TNFAIP6: variants seen among roughly 807,000 people sequenced by gnomAD.
The protein encoded by TNFAIP6 is tumor necrosis factor-inducible gene 6 protein.
A neutral mutation model predicts 33.7 loss-of-function variants in TNFAIP6; 36 were observed. That is an observed-to-expected ratio of 1.07 (90% CI 0.82 to 1.41). The LOEUF (loss-of-function observed/expected upper bound fraction) is 1.41, where lower values mean the gene tolerates loss of function less well. Ranked by LOEUF, TNFAIP6 falls within the 40% of genes most tolerant of loss-of-function variation. The probability of loss-of-function intolerance (pLI) is 0.00; values close to 1 mark genes in which losing one functional copy is unlikely to be tolerated. For missense variants in TNFAIP6, 273 were observed against 331.9 expected (o/e 0.82, Z 1.38); for synonymous variants, 113 against 112.8 (o/e 1.00, Z -0.01).
chr2:151,369,900 A>G lies in TNFAIP6; in HGVS notation c.395-120A>G, dbSNP rs1008913945. ...ATACATAATATACCATAGATGCTGT[A>G]TACTAAGACATTTAACATTTCATAA... is the stretch of plus-strand genomic sequence containing the variant. On this transcript the variant is annotated intron_variant, in intron 3 of 5. Transcript: ENST00000243347. 9.8e-6 allele frequency: 7 copies of G among 716,488 alleles called. No homozygotes were observed. In the African/African-American group the frequency reaches 1.1e-4, roughly 11 times the overall value. The allele number at this position is 716,488 out of a possible 1,614,324, so 44.4% of individuals were successfully genotyped here. A position where few individuals can be genotyped will look rare whatever the true frequency, so the allele number is the denominator to read the frequency against.
chr2:151,361,218 G>A (rs192024554), intron 1 of TNFAIP6, among the ~76,000 whole-genome samples: 4 of 151,968 alleles, frequency 2.6e-5, no homozygotes, highest in Non-Finnish European at 4.4e-5. Flanking sequence ...GGGACTACAG[G>A]CGTGCACCAC....
chr2:151,363,740 C>T (rs995411900), intron 1 of TNFAIP6, among the ~76,000 whole-genome samples: 1 of 152,082 alleles, frequency 6.6e-6, no homozygotes, highest in Non-Finnish European at 1.5e-5. Flanking sequence ...GTTTATGGCC[C>T]CAAATTCCCC....
intron 1 of TNFAIP6, among the ~76,000 whole-genome samples, chr2:151,363,462 C>A (rs1684661763): frequency 6.6e-6 from 1 of 150,606 alleles, no homozygotes; most frequent in Non-Finnish European, 1.5e-5. Context: ...TCAAGACCAT[C>A]CTGGCTAACA....
chr2:151,363,869 G>A (rs1684668450), intron 1 of TNFAIP6, 74 bp from the exon 2 acceptor site: 5 of 1,559,578 alleles, frequency 3.2e-6, no homozygotes, highest in Non-Finnish European at 4.3e-6. Flanking sequence ...TAATCTTCCA[G>A]CTGAGGCCAC....
intron 3 of TNFAIP6, among the ~76,000 whole-genome samples, chr2:151,367,253 G>A (rs1684728915): frequency 6.6e-6 from 1 of 152,100 alleles, no homozygotes; most frequent in African/African-American, 2.4e-5. Flanking sequence ...TCTTAACTGA[G>A]ACAAAATAGG....
At chr2:151,371,535 A>G (rs959460247) in intron 4 of TNFAIP6, among the ~76,000 whole-genome samples, 1 of 152,140 alleles carries the variant, frequency 6.6e-6, no homozygotes, top group Non-Finnish European at 1.5e-5. Flanking sequence ...GCAAAAATGA[A>G]GAGTTTTTTA....
At chr2:151,357,816 G>A in intron 1 of TNFAIP6, 56 bp downstream of exon 1, 2 of 1,156,300 alleles carry the variant, frequency 1.7e-6, no homozygotes, top group Non-Finnish European at 2.6e-6. Context: ...TTAAATCATG[G>A]AGAAGGAAAT....
downstream of TNFAIP6, among the ~76,000 whole-genome samples, chr2:151,380,593 T>G (rs1428060441): frequency 6.6e-6 from 1 of 152,206 alleles, no homozygotes; most frequent in Non-Finnish European, 1.5e-5. Flanking sequence ...CAGAGGACGT[T>G]GGTTTTATTG....
At chr2:151,360,273 G>A (rs1352234271) in intron 1 of TNFAIP6, among the ~76,000 whole-genome samples, 1 of 152,134 alleles carries the variant, frequency 6.6e-6, no homozygotes, top group African/African-American at 2.4e-5. Flanking sequence ...ACTCAAGCCT[G>A]GGTGACAGAG....
intron 3 of TNFAIP6, among the ~76,000 whole-genome samples, chr2:151,369,589 C>T (rs1015026066): frequency 1.3e-5 from 2 of 152,076 alleles, no homozygotes; most frequent in African/African-American, 4.8e-5. Context: ...GCCTGGGCAA[C>T]ATTGCAAGAT....
At chr2:151,364,134 C>G in intron 2 of TNFAIP6, 54 bp downstream of exon 2, 1 of 1,583,138 alleles carries the variant, frequency 6.3e-7, no homozygotes, top group Non-Finnish European at 8.6e-7. Context: ...GGAAAAAAAT[C>G]CATCTTTCCT....
chr2:151,362,514 A>T (rs1211456197), intron 1 of TNFAIP6, among the ~76,000 whole-genome samples: 9 of 34,808 alleles, frequency 2.6e-4, no homozygotes, highest in Admixed American at 5.9e-4. Context: ...TTTTTTTGAG[A>T]CAGAGTCTCA....
chr2:151,360,117 G>A (rs900822146), intron 1 of TNFAIP6, among the ~76,000 whole-genome samples: 4 of 152,082 alleles, frequency 2.6e-5, no homozygotes, highest in Non-Finnish European at 5.9e-5. Context: ...GGGCAACATA[G>A]AGAAACTCTG....
downstream of TNFAIP6, among the ~76,000 whole-genome samples, chr2:151,380,721 T>C (rs13395395): frequency 8.5e-3 from 1,293 of 152,254 alleles, 20 homozygotes; most frequent in African/African-American, 0.029. Flanking sequence ...CAGCTAAAAC[T>C]GGTCTGTTTG....
Position 151,370,248 on chromosome 2 carries a change from G to GCCAT in TNFAIP6, c.623_623+1insCCAT (p.Arg208SerfsTer7), listed in dbSNP as rs769404777. ...GATGATGTCCATGGCTTTGTGGGAA[G>GCCAT]GTACGTATGGGTCCCCATACAGGAA... On this transcript the variant is annotated frameshift_variant and splice_region_variant. Coordinates refer to ENST00000243347, the MANE Select transcript of TNFAIP6 (RefSeq NM_007115.4). LOFTEE classifies it high-confidence loss of function. The GCCAT allele has an allele frequency of 3.7e-6, 6 of 1,606,120 alleles. No homozygotes were observed. The highest frequency in any genetic ancestry group is 5.1e-6 in the Non-Finnish European group (6 of 1,172,834).
intron 3 of TNFAIP6, among the ~76,000 whole-genome samples, chr2:151,366,842 AT>A (rs1332225761): frequency 6.6e-6 from 1 of 152,058 alleles, no homozygotes; most frequent in African/African-American, 2.4e-5. Context: ...TTTTATTCAT[AT>A]TTTTTCCATG....
At chr2:151,370,788 G>A (rs1418859765) in intron 4 of TNFAIP6, among the ~76,000 whole-genome samples, 1 of 152,168 alleles carries the variant, frequency 6.6e-6, no homozygotes, top group Non-Finnish European at 1.5e-5. Flanking sequence ...ATGATTATAG[G>A]GCCGGGCACG....
chr2:151,380,820 C>A (rs1330937693), downstream of TNFAIP6, among the ~76,000 whole-genome samples: 1 of 152,180 alleles, frequency 6.6e-6, no homozygotes. Context: ...GAAACTTTAG[C>A]ATGAGTGACT....
intron 1 of TNFAIP6, among the ~76,000 whole-genome samples, chr2:151,359,941 G>GA (rs1171358163): frequency 6.6e-6 from 1 of 152,122 alleles, no homozygotes; most frequent in Non-Finnish European, 1.5e-5. Context: ...CATTTTACAT[G>GA]GATCATGAGA....
Sources: gnomAD v4.1 joint callset for allele counts (sites outside exome capture counted in the v4.1 genomes callset) on GRCh38, gnomAD v4.1.1 for gene constraint, MANE v1.5 for transcripts, NCBI Gene and HGNC (gene_info 2026-07-23, HGNC 2026-07-21) for gene names.